MTFR1: variants seen among roughly 807,000 people sequenced by gnomAD.
MTFR1 encodes the protein chondrocyte protein with a poly-proline region.
A neutral mutation model predicts 38.8 loss-of-function variants in MTFR1; 28 were observed. The ratio of observed to expected loss-of-function variants is 0.72; its 90% CI spans 0.53 to 0.99. The LOEUF (loss-of-function observed/expected upper bound fraction) is 0.99. MTFR1 is among the 50% of genes least tolerant of loss of function. The pLI is 0.00. For synonymous variants in MTFR1, 145 were observed against 137.0 expected (o/e 1.06, Z -0.41); for missense variants, 358 against 395.5 (o/e 0.91, Z 0.81).
chr8:65,773,188 C>G (rs866869946), downstream of MTFR1, among the ~76,000 whole-genome samples: 2 of 152,080 alleles, frequency 1.3e-5, no homozygotes, highest in South Asian at 4.1e-4. Context: ...TCACAAAACA[C>G]ACTAGATTAC....
chr8:65,683,805 G>A (rs1056799933), intron 3 of MTFR1, among the ~76,000 whole-genome samples: 14 of 151,992 alleles, frequency 9.2e-5, no homozygotes, highest in African/African-American at 1.5e-4. Context: ...GATTACAGGC[G>A]TGAGCCACTG....
At chr8:65,644,425 C>T (rs935432356), upstream of MTFR1, among the ~76,000 whole-genome samples, 2 of 152,210 alleles carry the variant, frequency 1.3e-5, no homozygotes, top group African/African-American at 4.8e-5. Flanking sequence ...CAAGGTAATA[C>T]ACATCTGCGG....
intron 3 of MTFR1, among the ~76,000 whole-genome samples, chr8:65,746,885 C>T (rs1807698771): frequency 1.3e-5 from 2 of 152,180 alleles, no homozygotes; most frequent in South Asian, 4.1e-4. Context: ...TTTACCTACA[C>T]AACTTAAAAA....
chr8:65,747,540 C>CT, intron 3 of MTFR1: 1 of 590,252 alleles, frequency 1.7e-6, no homozygotes, highest in Non-Finnish European at 2.7e-6. Context: ...ATAGGCTCAA[C>CT]TGCTTTTCAT....
chr8:65,670,324 C>T (rs1284153431), intron 2 of MTFR1, among the ~76,000 whole-genome samples: 1 of 152,054 alleles, frequency 6.6e-6, no homozygotes, highest in Non-Finnish European at 1.5e-5. Flanking sequence ...ATATGCTTGG[C>T]CAACACTTGA....
At chr8:65,712,246 G>C (rs1345976206), downstream of MTFR1, among the ~76,000 whole-genome samples, 1 of 152,228 alleles carries the variant, frequency 6.6e-6, no homozygotes, top group African/African-American at 2.4e-5. Context: ...TGAAATACTA[G>C]CATTGAGTAC....
At chr8:65,681,671 G>GTTTTTTTT (rs200580429) in intron 2 of MTFR1, among the ~76,000 whole-genome samples, 26 of 108,280 alleles carry the variant, frequency 2.4e-4, no homozygotes, top group South Asian at 3.2e-4. Flanking sequence ...TGTTGTTTTT[G>GTTTTTTTT]TTTTTTTTTT....
chr8:65,689,979 A>G (rs1805223622), intron 3 of MTFR1, among the ~76,000 whole-genome samples: 1 of 152,220 alleles, frequency 6.6e-6, no homozygotes, highest in Non-Finnish European at 1.5e-5. Context: ...TATTGAGCAC[A>G]TATTATGGAC....
chr8:65,678,023 A>G (rs555375526), intron 2 of MTFR1, among the ~76,000 whole-genome samples: 421 of 152,016 alleles, frequency 2.8e-3, no homozygotes, highest in Non-Finnish European at 4.9e-3. Context: ...TCAAAAAAAA[A>G]AAAAAAAAGA....
chr8:65,688,420 C>A (rs867903318), intron 3 of MTFR1, among the ~76,000 whole-genome samples: 21 of 150,116 alleles, frequency 1.4e-4, no homozygotes, highest in Non-Finnish European at 2.2e-4. Context: ...ACAAAAAAAA[C>A]CCCAGAAATT....
chr8:65,687,485 A>G (rs1422683695), intron 3 of MTFR1, among the ~76,000 whole-genome samples: 29 of 151,722 alleles, frequency 1.9e-4, no homozygotes, highest in Non-Finnish European at 1.5e-5. Flanking sequence ...AGCTGGGGCT[A>G]CAGGCACTCG....
intron 4 of MTFR1, 96 bp downstream of exon 4, chr8:65,693,855 C>A: frequency 3.4e-6 from 3 of 869,578 alleles, no homozygotes; most frequent in South Asian, 1.5e-5. Context: ...CTAATTTTAT[C>A]TCTAGTAATG....
chr8:65,701,584 A>G (rs1238487291), intron 4 of MTFR1, among the ~76,000 whole-genome samples: 1 of 152,236 alleles, frequency 6.6e-6, no homozygotes, highest in Non-Finnish European at 1.5e-5. Context: ...TGTTTCGGAT[A>G]GCTGTTTTCC....
intron 3 of MTFR1, among the ~76,000 whole-genome samples, chr8:65,763,291 A>G (rs1222432850): frequency 6.6e-6 from 1 of 152,082 alleles, no homozygotes; most frequent in Non-Finnish European, 1.5e-5. Flanking sequence ...AAGGTTACAT[A>G]CGGTGGCTCA....
At chr8:65,675,522 C>T (rs1436026728) in intron 2 of MTFR1, among the ~76,000 whole-genome samples, 1 of 145,236 alleles carries the variant, frequency 6.9e-6, no homozygotes, top group African/African-American at 2.6e-5. Flanking sequence ...TGGCGTGAAC[C>T]TGGGAGGCAG....
At chr8:65,724,923 T>C in intron 3 of MTFR1, 2 of 1,579,196 alleles carry the variant, frequency 1.3e-6, no homozygotes, top group East Asian at 2.3e-5. Flanking sequence ...ATTTGTTGCC[T>C]GGAAATAGAG....
rs971507308 is a variant in MTFR1 at position 65,660,400 on chromosome 8, C to T, written c.-80-9473C>T. Among the ~76,000 whole-genome samples the T allele has an allele frequency of 2.6e-5, 4 of 151,448 alleles. No homozygotes were observed. The East Asian group carries it at 7.7e-4, about 29-fold the overall frequency. On this transcript the variant is annotated intron_variant, in intron 1 of 7. Coordinates refer to ENST00000262146, the MANE Select transcript of MTFR1 (RefSeq NM_014637.4). ...TCAGATAGCTGGTAAAACATCACTA[C>T]TGCTGTGTATTTGTGAGGGTGTTTC... is the stretch of plus-strand genomic sequence containing the variant.
At chr8:65,726,802 A>G in intron 3 of MTFR1, 1 of 787,128 alleles carries the variant, frequency 1.3e-6, no homozygotes, top group Non-Finnish European at 2.2e-6. Flanking sequence ...AATTTTTAAA[A>G]CTTTATAAAA....
At chr8:65,649,792 ACC>A (rs368731999) in intron 1 of MTFR1, among the ~76,000 whole-genome samples, 1 of 84,924 alleles carries the variant, frequency 1.2e-5, no homozygotes, top group Non-Finnish European at 2.4e-5. Context: ...ATCTCCCCCC[ACC>A]CCCCCACACT....
Sources: gnomAD v4.1 joint callset for allele counts (sites outside exome capture counted in the v4.1 genomes callset) on GRCh38, gnomAD v4.1.1 for gene constraint, MANE v1.5 for transcripts, NCBI Gene and HGNC (gene_info 2026-07-23, HGNC 2026-07-21) for gene names.